The following PAX3 variants were observed in gnomAD, a reference collection of about 807,000 sequenced individuals.
The protein encoded by PAX3 is paired box 3.
PAX3 carries 14 observed loss-of-function variants against 51.6 expected under a neutral mutation model. That is an observed-to-expected ratio of 0.27 (90% CI 0.18 to 0.42). PAX3 has a LOEUF of 0.42. PAX3 is among the 10% of genes least tolerant of loss of function. PAX3 has a pLI of 1.00. For missense variants in PAX3, 540 were observed against 642.8 expected (o/e 0.84, Z 1.73); for synonymous variants, 280 against 253.4 (o/e 1.11, Z -1.00).
intron 7 of PAX3, among the ~76,000 whole-genome samples, chr2:222,218,578 G>A (rs541967454): frequency 1.1e-4 from 17 of 152,054 alleles, no homozygotes; most frequent in African/African-American, 1.7e-4. Flanking sequence ...TTAAAAAATC[G>A]CGGAGATAAG....
At chr2:222,231,462 T>C (rs1692591335) in intron 5 of PAX3, among the ~76,000 whole-genome samples, 1 of 152,244 alleles carries the variant, frequency 6.6e-6, no homozygotes, top group African/African-American at 2.4e-5. Flanking sequence ...CAAAAGATAA[T>C]TCAACATGTT....
chr2:222,223,393 G>A (rs1232305422), intron 5 of PAX3, among the ~76,000 whole-genome samples: 2 of 152,138 alleles, frequency 1.3e-5, no homozygotes, highest in East Asian at 1.9e-4. Context: ...TGGGGTAATA[G>A]AACCATGAAC....
chr2:222,244,342 C>T (rs984212063), intron 4 of PAX3, among the ~76,000 whole-genome samples: 1 of 152,106 alleles, frequency 6.6e-6, no homozygotes, highest in African/African-American at 2.4e-5. Flanking sequence ...CCCAGATGGC[C>T]CCTTCCTCTC....
chr2:222,210,233 T>A (rs1691673920), intron 7 of PAX3, among the ~76,000 whole-genome samples: 1 of 152,202 alleles, frequency 6.6e-6, no homozygotes, highest in South Asian at 2.1e-4. Flanking sequence ...ATAAAATCTT[T>A]GTAATCTAGT....
intron 4 of PAX3, among the ~76,000 whole-genome samples, chr2:222,250,911 A>T (rs1693404707): frequency 6.6e-6 from 1 of 152,166 alleles, no homozygotes; most frequent in Non-Finnish European, 1.5e-5. Flanking sequence ...GATTTATTTA[A>T]CATAGAAGTT....
At chr2:222,271,178 CAG>C (rs1261641978) in intron 4 of PAX3, among the ~76,000 whole-genome samples, 1 of 152,176 alleles carries the variant, frequency 6.6e-6, no homozygotes, top group Admixed American at 6.5e-5. Flanking sequence ...CACAACTATT[CAG>C]AGAGTGAACC....
intron 4 of PAX3, among the ~76,000 whole-genome samples, chr2:222,248,888 C>T (rs1306441105): frequency 6.6e-6 from 1 of 152,152 alleles, no homozygotes; most frequent in Non-Finnish European, 1.5e-5. Flanking sequence ...GGAGGAAAAA[C>T]TGGCTGATGG....
At chr2:222,291,179 C>T (rs898630395) in intron 4 of PAX3, among the ~76,000 whole-genome samples, 2 of 152,138 alleles carry the variant, frequency 1.3e-5, no homozygotes, top group African/African-American at 4.8e-5. Context: ...ATTGAGCGGC[C>T]GCTGCGCAGG....
Position 222,220,167 on chromosome 2 carries a change from G to T in PAX3, c.1146C>A (p.Pro382=). 1 of 1,613,786 alleles carries T rather than the reference G, an allele frequency of 6.2e-7. No homozygotes were observed. The highest frequency in any genetic ancestry group is 8.5e-7 in the Non-Finnish European group (1 of 1,179,868). ...GAGGTGAGAGGCCATTGCCAATGGT[G>T]GGGTTCATGGGGTTGGAGGGCCCCG... ...PPSGPSNPMN[P]TIGNGLSPQV... Residue 382 remains proline, a synonymous_variant, in exon 7 of 9, where the codon CCC becomes CCA. Coordinates refer to ENST00000392070, the MANE Select transcript of PAX3 (RefSeq NM_181458.4).
At chr2:222,235,295 G>A (rs1034705151) in intron 4 of PAX3, among the ~76,000 whole-genome samples, 12 of 152,128 alleles carry the variant, frequency 7.9e-5, no homozygotes, top group Middle Eastern at 3.2e-3. Flanking sequence ...GTTCACTGCT[G>A]GAACCCTTAG....
intron 4 of PAX3, among the ~76,000 whole-genome samples, chr2:222,284,888 C>A (rs1251225566): frequency 6.6e-6 from 1 of 152,182 alleles, no homozygotes; most frequent in Non-Finnish European, 1.5e-5. Context: ...AACTGAAGTT[C>A]AAAAGGTCAC....
chr2:222,285,769 T>C (rs1285756929), intron 4 of PAX3, among the ~76,000 whole-genome samples: 2 of 152,240 alleles, frequency 1.3e-5, no homozygotes, highest in Non-Finnish European at 1.5e-5. Context: ...TTTTCAATTA[T>C]AAAAATTTTG....
At chr2:222,252,884 G>A (rs190565992) in intron 4 of PAX3, among the ~76,000 whole-genome samples, 26 of 152,266 alleles carry the variant, frequency 1.7e-4, no homozygotes, top group Admixed American at 1.4e-3. Context: ...AAGTGGCCTG[G>A]AGTCTTGGTG....
intron 4 of PAX3, among the ~76,000 whole-genome samples, chr2:222,277,446 G>A (rs1043329971): frequency 7.2e-5 from 11 of 152,208 alleles, no homozygotes; most frequent in African/African-American, 2.4e-4. Context: ...GACGTGGACC[G>A]TTTTTCTAGA....
intron 4 of PAX3, among the ~76,000 whole-genome samples, chr2:222,235,983 G>T (rs1033264504): frequency 2.6e-5 from 4 of 152,044 alleles, no homozygotes; most frequent in Non-Finnish European, 4.4e-5. Context: ...CTGATTTTTC[G>T]GCTGGAAACT....
chr2:222,201,693 T>C, intron 8 of PAX3: 1 of 1,448,450 alleles, frequency 6.9e-7, no homozygotes, highest in Non-Finnish European at 9.1e-7. Flanking sequence ...GGCCAACCCT[T>C]GTGTTTTACC....
chr2:222,289,307 C>A (rs150552754), intron 4 of PAX3, among the ~76,000 whole-genome samples: 2 of 152,134 alleles, frequency 1.3e-5, no homozygotes, highest in African/African-American at 4.8e-5. Flanking sequence ...TACTTATGTA[C>A]AACTTAAACA....
At chr2:222,240,805 C>T (rs1422163229) in intron 4 of PAX3, among the ~76,000 whole-genome samples, 2 of 152,178 alleles carry the variant, frequency 1.3e-5, no homozygotes, top group Non-Finnish European at 2.9e-5. Context: ...CCTTTTACAA[C>T]ACGAATGACA....
chr2:222,280,199 G>A (rs1186130261), intron 4 of PAX3, among the ~76,000 whole-genome samples: 1 of 150,962 alleles, frequency 6.6e-6, no homozygotes, highest in East Asian at 1.9e-4. Context: ...CAACAAGAGT[G>A]AAACTCTGTC....
Sources: allele counts gnomAD v4.1 joint callset (sites outside exome capture counted in the v4.1 genomes callset), GRCh38; gene constraint gnomAD v4.1.1; transcripts MANE v1.5; gene names NCBI Gene and HGNC (gene_info 2026-07-23, HGNC 2026-07-21).